The following SAMD12 variants were observed in gnomAD, a reference collection of about 807,000 sequenced individuals.
The protein encoded by SAMD12 is sterile alpha motif domain-containing protein 12.
SAMD12 carries 9 observed loss-of-function variants against 15.0 expected under a neutral mutation model. The observed-to-expected ratio is 0.60, with a 90% CI of 0.36 to 1.05. The LOEUF is 1.05. SAMD12 is among the 50% of genes least tolerant of loss of function. The pLI is 0.01. For missense variants in SAMD12, 230 were observed against 234.2 expected, an observed-to-expected ratio of 0.98 and a Z score of 0.12; for synonymous variants, 86 against 90.1, an observed-to-expected ratio of 0.96 and a Z score of 0.25.
chr8:118,455,882 C>T (rs767870747), intron 2 of SAMD12, among the ~76,000 whole-genome samples: 1 of 152,146 alleles, frequency 6.6e-6, no homozygotes, highest in Non-Finnish European at 1.5e-5. Flanking sequence ...CTTTAGGATG[C>T]ACACATTCAC....
At chr8:118,376,761 CTTTG>C (rs199660203), downstream of SAMD12, among the ~76,000 whole-genome samples, 7,418 of 152,138 alleles carry the variant, frequency 0.049, 570 homozygotes, top group African/African-American at 0.16. Flanking sequence ...ATTCCAAAGT[CTTTG>C]TTTGTACTTA....
chr8:118,403,485 G>A (rs1431918122), intron 3 of SAMD12, among the ~76,000 whole-genome samples: 1 of 151,832 alleles, frequency 6.6e-6, no homozygotes, highest in East Asian at 1.9e-4. Context: ...ATTATCTTAA[G>A]CTCCTTTATC....
intron 4 of SAMD12, among the ~76,000 whole-genome samples, chr8:118,202,846 C>T (rs1447400913): frequency 6.6e-6 from 1 of 152,116 alleles, no homozygotes; most frequent in Non-Finnish European, 1.5e-5. Context: ...AATGCACATT[C>T]CAAAAAAGTG....
chr8:118,530,910 T>G (rs374904014), intron 2 of SAMD12, among the ~76,000 whole-genome samples: 1 of 152,202 alleles, frequency 6.6e-6, no homozygotes, highest in Admixed American at 6.5e-5. Context: ...GATGCAATCA[T>G]AGCACACAGC....
At chr8:118,573,675 A>G (rs1373011338) in intron 2 of SAMD12, among the ~76,000 whole-genome samples, 1 of 152,184 alleles carries the variant, frequency 6.6e-6, no homozygotes, top group Admixed American at 6.6e-5. Flanking sequence ...CACTTGTACC[A>G]ATCCAGAAAA....
intron 2 of SAMD12, among the ~76,000 whole-genome samples, chr8:118,531,242 T>C (rs528551094): frequency 1.3e-5 from 2 of 152,310 alleles, no homozygotes; most frequent in South Asian, 4.1e-4. Flanking sequence ...TGGTTGTAGA[T>C]ATGTGGTATT....
chr8:118,175,085 C>T, the SAMD12 span, among the ~76,000 whole-genome samples: 55 of 150,644 alleles, frequency 3.7e-4, no homozygotes, highest in South Asian at 6.3e-3. Flanking sequence ...CATCATATTA[C>T]CTGACTTCAA....
chr8:118,586,021 T>A (rs1399562301), intron 1 of SAMD12, among the ~76,000 whole-genome samples: 2 of 152,196 alleles, frequency 1.3e-5, no homozygotes, highest in Admixed American at 1.3e-4. Flanking sequence ...TGGAGACTTA[T>A]TAAATTTTAA....
At chr8:118,165,276 T>A in the SAMD12 span, among the ~76,000 whole-genome samples, 35 of 152,270 alleles carry the variant, frequency 2.3e-4, no homozygotes, top group South Asian at 8.3e-4. Context: ...ACTTTACTTA[T>A]GTTTGCCCAT....
rs1194732153 is a variant in SAMD12 at position 118,460,613 on chromosome 8, C to T, written c.193-20652G>A. On this transcript the variant is annotated intron_variant, in intron 2 of 3. Transcript: ENST00000314727. ...CTAGGACAGAGGTGCATGAGAATAT[C>T]AATGCAATAAAAACAAGAAATCACA... Among the ~76,000 whole-genome samples the T allele has an allele frequency of 5.3e-5, 8 of 151,958 alleles. 1 individual carries two copies. The highest frequency in any genetic ancestry group is 1.9e-4 in the African/African-American group (8 of 41,348).
chr8:118,572,094 C>T (rs370933698), intron 2 of SAMD12, among the ~76,000 whole-genome samples: 8 of 152,314 alleles, frequency 5.3e-5, no homozygotes, highest in African/African-American at 1.7e-4. Flanking sequence ...CTTGCATCAG[C>T]GTGACCTGGA....
chr8:118,173,398 A>G, the SAMD12 span, among the ~76,000 whole-genome samples: 1 of 152,102 alleles, frequency 6.6e-6, no homozygotes, highest in Non-Finnish European at 1.5e-5. Flanking sequence ...CCAGAGGCTT[A>G]GCTTAAAATT....
intron 4 of SAMD12, among the ~76,000 whole-genome samples, chr8:118,268,390 T>C (rs925244772): frequency 3.3e-5 from 5 of 152,224 alleles, no homozygotes; most frequent in Non-Finnish European, 7.3e-5. Flanking sequence ...TCATAATTCC[T>C]TTCCTGCATG....
chr8:118,188,305 C>T (rs904959754), downstream of SAMD12, among the ~76,000 whole-genome samples: 1 of 152,056 alleles, frequency 6.6e-6, no homozygotes, highest in Non-Finnish European at 1.5e-5. Flanking sequence ...CTGGCTTTAC[C>T]ATCTTCTAAA....
chr8:118,529,110 C>G (rs1825615543), intron 2 of SAMD12, among the ~76,000 whole-genome samples: 2 of 152,182 alleles, frequency 1.3e-5, no homozygotes, highest in Non-Finnish European at 2.9e-5. Context: ...GCAACTAGGG[C>G]TGCCCATATG....
chr8:118,263,182 G>A (rs1452481991), intron 4 of SAMD12, among the ~76,000 whole-genome samples: 2 of 152,006 alleles, frequency 1.3e-5, no homozygotes, highest in African/African-American at 4.8e-5. Flanking sequence ...TTTGCAAAAT[G>A]TCTCTACTTC....
At chr8:118,159,719 C>CTTTTTTTTTTTT in the SAMD12 span, among the ~76,000 whole-genome samples, 1 of 143,258 alleles carries the variant, frequency 7.0e-6, no homozygotes, top group Non-Finnish European at 1.5e-5. Context: ...CTTTTTTTTT[C>CTTTTTTTTTTTT]TTTTTTTTTT....
intron 2 of SAMD12, among the ~76,000 whole-genome samples, chr8:118,480,875 C>T (rs1319758600): frequency 6.6e-6 from 1 of 152,170 alleles, no homozygotes; most frequent in Non-Finnish European, 1.5e-5. Context: ...TCTATCTGCC[C>T]AGGCCTTTCT....
intron 3 of SAMD12, among the ~76,000 whole-genome samples, chr8:118,438,630 A>AG (rs1278250521): frequency 2.0e-5 from 3 of 152,134 alleles, no homozygotes; most frequent in Non-Finnish European, 2.9e-5. Flanking sequence ...GACCTGCCCC[A>AG]GATCTCACAG....
Sources: allele counts gnomAD v4.1 joint callset (sites outside exome capture counted in the v4.1 genomes callset), GRCh38; gene constraint gnomAD v4.1.1; transcripts MANE v1.5; gene names NCBI Gene and HGNC (gene_info 2026-07-23, HGNC 2026-07-21).